ZNF544: variants seen among roughly 807,000 people sequenced by gnomAD.
ZNF544 encodes zinc finger protein AF020591.
ZNF544 carries 10 observed loss-of-function variants against 13.5 expected under a neutral mutation model. That is an observed-to-expected ratio of 0.74 (90% confidence interval 0.46 to 1.25). ZNF544 has a LOEUF of 1.25. ZNF544 is among the 50% of genes most tolerant of loss of function. The probability of loss-of-function intolerance (pLI) is 0.00; values close to 1 mark genes in which losing one functional copy is unlikely to be tolerated. For missense variants in ZNF544, 896 were observed against 845.6 expected, an observed-to-expected ratio of 1.06 and a Z score of -0.74; for synonymous variants, 323 against 300.5, an observed-to-expected ratio of 1.07 and a Z score of -0.77.
At position 58,262,628 on chromosome 19, in the gene ZNF544, C is replaced by A. The variant is rs759394127; in HGVS notation, c.2022C>A (p.Asn674Lys). The A allele has an allele frequency of 8.1e-6, 13 of 1,614,178 alleles. No homozygotes were observed. The highest frequency in any genetic ancestry group is 1.1e-5 in the Non-Finnish European group (13 of 1,180,028). The change falls in exon 7 of 7, where the codon AAC becomes AAA. Residue 674 changes from asparagine (N) to lysine (K), a missense_variant. Transcript: ENST00000687789. The part of the protein sequence containing the change: ...QCGKAFSGSS[N>K]LLSHHRIHSG... ...GGAAAGCCTTTTCAGGGAGCTCTAACCTTCTTTCCCATCACAGAATTCATT... is the reference window on the plus strand; with the variant it reads ...GGAAAGCCTTTTCAGGGAGCTCTAAACTTCTTTCCCATCACAGAATTCATT...
Position 58,262,423 on chromosome 19 carries a change from G to GT in ZNF544, c.1818dup (p.Asn607Ter), listed in dbSNP as rs749792675. ...CACACTGGAGAAAAGCCCTATGAAT[G>GT]TAACGAGTGTGGAAAAGCCTTCAAT... On this transcript the variant is annotated frameshift_variant, in exon 7 of 7. Transcript: ENST00000687789. LOFTEE classifies it low-confidence loss of function (END_TRUNC). The GT allele has an allele frequency of 2.5e-6, 4 of 1,614,224 alleles. No individual in the cohort carries two copies. Among genetic ancestry groups the GT allele is most frequent in the Non-Finnish European group, 3.4e-6 (4 of 1,180,042 alleles).
chr19:58,239,465 G>A (rs1171897906), intron 3 of ZNF544, among the ~76,000 whole-genome samples: 1 of 152,148 alleles, frequency 6.6e-6, no homozygotes, highest in Non-Finnish European at 1.5e-5. Flanking sequence ...TGAAATTCCT[G>A]AAGGCCTGTT....
chr19:58,248,503 G>T (rs992211914), intron 6 of ZNF544, among the ~76,000 whole-genome samples: 4 of 152,102 alleles, frequency 2.6e-5, no homozygotes, highest in Admixed American at 1.3e-4. Context: ...AAAGTGCTGG[G>T]ATTACATGTA....
chr19:58,277,345 C>T, exon 7 of ZNF544: 1 of 984,730 alleles, frequency 1.0e-6, no homozygotes, highest in East Asian at 3.3e-5. Flanking sequence ...AACGTCTTCA[C>T]CCCTTCAACA....
At chr19:58,235,864 C>A (rs2042269157) in intron 3 of ZNF544, among the ~76,000 whole-genome samples, 1 of 151,406 alleles carries the variant, frequency 6.6e-6, no homozygotes, top group South Asian at 2.1e-4. Flanking sequence ...AGTTTGAGAC[C>A]AGCCTGACCA....
intron 4 of ZNF544, among the ~76,000 whole-genome samples, chr19:58,244,533 GGAGA>G (rs1389802932): frequency 1.3e-5 from 2 of 152,076 alleles, no homozygotes; most frequent in East Asian, 3.9e-4. Context: ...TATGTAGTGA[GGAGA>G]GAGAGTGAGA....
intron 6 of ZNF544, among the ~76,000 whole-genome samples, chr19:58,248,147 C>T (rs1161169728): frequency 4.0e-5 from 6 of 151,754 alleles, no homozygotes; most frequent in Non-Finnish European, 8.8e-5. Context: ...CTCCTGACCT[C>T]ATGATGCGCC....
At chr19:58,276,169 CCT>C (rs955199277) in intron 5 of ZNF544, among the ~76,000 whole-genome samples, 1 of 151,896 alleles carries the variant, frequency 6.6e-6, no homozygotes, top group Non-Finnish European at 1.5e-5. Flanking sequence ...AGAGTGAGAC[CCT>C]GTCTCAAAAA....
chr19:58,266,301 G>A (rs915473898), downstream of ZNF544, among the ~76,000 whole-genome samples: 5 of 150,066 alleles, frequency 3.3e-5, no homozygotes, highest in East Asian at 2.0e-4. Flanking sequence ...GGTGGATCAC[G>A]AGGTCAGATC....
chr19:58,262,571 T>G lies in ZNF544; in HGVS notation c.1965T>G (p.Thr655=). 4 of 1,614,196 alleles carry G rather than the reference T, an allele frequency of 2.5e-6. No homozygotes were observed. The highest frequency in any genetic ancestry group is 1.3e-5 in the African/African-American group (1 of 75,058). ...SYLVMHQRTH[T]GEKPFECSQC... Reference sequence around the variant, plus strand: ...TTGTGATGCATCAGAGAACTCACACTGGTGAGAAACCTTTTGAGTGTAGTC... The same window carrying G: ...TTGTGATGCATCAGAGAACTCACACGGGTGAGAAACCTTTTGAGTGTAGTC... The change falls in exon 7 of 7, where the codon ACT becomes ACG. Residue 655 remains threonine, a synonymous_variant. Transcript: ENST00000687789.
At chr19:58,250,171 A>T (rs1276892582) in intron 6 of ZNF544, among the ~76,000 whole-genome samples, 1 of 152,252 alleles carries the variant, frequency 6.6e-6, no homozygotes, top group Non-Finnish European at 1.5e-5. Flanking sequence ...TATGGTAAAC[A>T]TGTGGGTTAG....
intron 3 of ZNF544, among the ~76,000 whole-genome samples, chr19:58,238,294 G>A (rs1456575840): frequency 6.6e-6 from 1 of 152,120 alleles, no homozygotes; most frequent in Non-Finnish European, 1.5e-5. Flanking sequence ...TTCTCCTAAG[G>A]GCAGCGAAAA....
chr19:58,262,153 G>T lies in ZNF544; in HGVS notation c.1547G>T (p.Gly516Val), dbSNP rs765106406. 6.2e-7 allele frequency: 1 copy of T among 1,613,492 alleles called. No individual in the cohort carries two copies. The highest frequency in any genetic ancestry group is 8.5e-7 in the Non-Finnish European group (1 of 1,179,928). ...GTTGTACATCAGAGGACACACACTG[G>T]AGAGAAGCCCTATGAGTGCAACCTG... is the stretch of plus-strand genomic sequence containing the variant. ...DLVVHQRTHTGEKPYECNLCG... is the reference protein window; with the variant it reads ...DLVVHQRTHTVEKPYECNLCG... The change falls in exon 7 of 7, where the codon GGA becomes GTA. Residue 516 changes from glycine (G) to valine (V), a missense_variant. By Grantham distance (109) the Gly-to-Val change is moderately radical (BLOSUM62 -3). Coordinates refer to ENST00000687789, the MANE Select transcript of ZNF544 (RefSeq NM_014480.4).
At chr19:58,237,449 G>A (rs1212122471) in intron 3 of ZNF544, among the ~76,000 whole-genome samples, 3 of 152,178 alleles carry the variant, frequency 2.0e-5, no homozygotes, top group African/African-American at 4.8e-5. Flanking sequence ...CAGCTTGCTG[G>A]TCCTGGCAGC....
intron 4 of ZNF544, among the ~76,000 whole-genome samples, chr19:58,244,478 C>T (rs1257328562): frequency 6.6e-6 from 1 of 152,056 alleles, no homozygotes; most frequent in Admixed American, 6.6e-5. Flanking sequence ...ATGGTGAGGG[C>T]CCTCTCTTCC....
Position 58,263,531 on chromosome 19 carries a change from C to T in ZNF544, c.*777C>T. The T allele has an allele frequency of 1.0e-6, 1 of 985,312 alleles. No homozygotes were observed. The highest frequency in any genetic ancestry group is 4.7e-5 in the South Asian group (1 of 21,174). The allele number at this position is 985,312 out of a possible 1,614,324, so 61.0% of individuals were successfully genotyped here. On this transcript the variant is annotated 3_prime_UTR_variant, in exon 7 of 7. Transcript: ENST00000687789. ...TAGAAATCAGGTGGCCAAAACATGA[C>T]TCTCAGAGTGGGGCTTCATGACCAT... is the stretch of plus-strand genomic sequence containing the variant.
rs763394810 is a variant in ZNF544 at position 58,244,050 on chromosome 19, A to T, written c.27A>T (p.Pro9=). MEARSMLV[P]PQASVCFEDV... ...TGGAAGCACGTTCTATGCTGGTTCC[A>T]CCCCAGGTGAGTGGGGGGTCTTTGC... is the stretch of plus-strand genomic sequence containing the variant. Residue 9 remains proline, a synonymous_variant, in exon 4 of 7, where the codon CCA becomes CCT. Coordinates refer to ENST00000687789, the MANE Select transcript of ZNF544 (RefSeq NM_014480.4). 2.5e-6 allele frequency: 4 copies of T among 1,606,938 alleles called. No individual in the cohort carries two copies. The highest frequency in any genetic ancestry group is 3.4e-6 in the Non-Finnish European group (4 of 1,176,472).
chr19:58,257,021 A>G (rs536379243), intron 6 of ZNF544, among the ~76,000 whole-genome samples: 2 of 152,102 alleles, frequency 1.3e-5, no homozygotes, highest in South Asian at 4.2e-4. Flanking sequence ...TCCCAGGTTC[A>G]CGCCATTCTC....
intron 5 of ZNF544, among the ~76,000 whole-genome samples, chr19:58,272,796 C>A (rs985628053): frequency 6.6e-6 from 1 of 150,386 alleles, no homozygotes; most frequent in South Asian, 2.1e-4. Flanking sequence ...GAACCGGGAC[C>A]TGGGAGGCGG....
Sources: gnomAD v4.1 joint callset for allele counts (sites outside exome capture counted in the v4.1 genomes callset) on GRCh38, gnomAD v4.1.1 for gene constraint, MANE v1.5 for transcripts, NCBI Gene and HGNC (gene_info 2026-07-23, HGNC 2026-07-21) for gene names.